The following DLX5 variants were observed in gnomAD, a reference collection of about 807,000 sequenced individuals.
DLX5 encodes the protein distal-less homeobox 5, also known as homeobox protein DLX-5.
A neutral mutation model predicts 27.1 loss-of-function variants in DLX5; 8 were observed. The observed-to-expected ratio is 0.30, with a 90% confidence interval of 0.17 to 0.53. The LOEUF is 0.53. Ranked by LOEUF, DLX5 falls within the 20% of genes least tolerant of loss-of-function variation. DLX5 has a pLI of 0.95. For missense variants in DLX5, 339 were observed against 375.1 expected (o/e 0.90, Z 0.80); for synonymous variants, 178 against 161.9 (o/e 1.10, Z -0.75).
In DLX5 at chr7:97,021,000, G is replaced by A. The variant is rs1297022233; in HGVS notation, c.606C>T (p.Pro202=). The A allele has an allele frequency of 6.2e-6, 10 of 1,613,664 alleles. No homozygotes were observed. The highest frequency in any genetic ancestry group is 1.8e-4 in the Middle Eastern group (1 of 5,664). ...CGCTGGAGCTGGGACTGTGCTCCGGGGGCATCTCCCCGTTTTTCATGATCT... is the reference window on the plus strand; with the variant it reads ...CGCTGGAGCTGGGACTGTGCTCCGGAGGCATCTCCCCGTTTTTCATGATCT... ...IKKIMKNGEM[P]PEHSPSSSDP... The change falls in exon 3 of 3, where the codon CCC becomes CCT. Residue 202 remains proline, a synonymous_variant. Coordinates refer to ENST00000648378, the MANE Select transcript of DLX5 (RefSeq NM_005221.6).
chr7:97,023,340 GT>G (rs1554342724), intron 1 of DLX5, among the ~76,000 whole-genome samples: 4 of 19,930 alleles, frequency 2.0e-4, no homozygotes, highest in Non-Finnish European at 4.4e-4. Context: ...TCTCCAGGGT[GT>G]GTGTGTGTGT....
Position 97,022,375 on chromosome 7 carries a change from T to C in DLX5, c.356-6A>G. On this transcript the variant is annotated splice_polypyrimidine_tract_variant and splice_region_variant and intron_variant, in intron 1 of 2. Transcript: ENST00000648378. ...GGGCTCGGTCACTTCTTTCTCTAAATAATCAAAACAGACTCAGTTAAAGCT... is the reference window on the plus strand; with the variant it reads ...GGGCTCGGTCACTTCTTTCTCTAAACAATCAAAACAGACTCAGTTAAAGCT... 6.2e-7 allele frequency: 1 copy of C among 1,613,562 alleles called. No homozygotes were observed. Among genetic ancestry groups the C allele is most frequent in the Non-Finnish European group, 8.5e-7 (1 of 1,180,028 alleles).
intron 1 of DLX5, 115 bp from the exon 2 acceptor site, chr7:97,022,484 A>T (rs1376220964): frequency 8.5e-6 from 13 of 1,527,748 alleles, no homozygotes; most frequent in East Asian, 4.6e-5. Context: ...TTCTTTGCCC[A>T]TATCACCACC....
In DLX5 at chr7:97,020,898, G is replaced by T. The variant is rs143457052; in HGVS notation, c.708C>A (p.His236Gln). The change falls in exon 3 of 3, where the codon CAC becomes CAA. Residue 236 changes from histidine (H) to glutamine (Q), a missense_variant. By Grantham distance (24) the His-to-Gln change is conservative. Around this residue, in one of 3 missense-constraint regions of DLX5, gnomAD observed 136 missense variants for 130.3 expected, o/e 1.04. Transcript: ENST00000648378. The stretch of plus-strand genomic sequence containing the variant: ...TGGAGGTCGGAGGGTGGGCATGAGG[G>T]TGGTGGCTGAGCGAGCGGGACGAGC... ...PQGSSRSLSH[H>Q]PHAHPPTSNQ... 3 of 1,614,050 alleles carry T rather than the reference G, an allele frequency of 1.9e-6. No individual in the cohort carries two copies. The African/African-American group carries it at 4.0e-5, about 22-fold the overall frequency.
intron 1 of DLX5, 156 bp from the exon 2 acceptor site, chr7:97,022,525 G>T: frequency 1.0e-6 from 1 of 984,954 alleles, no homozygotes; most frequent in Non-Finnish European, 1.2e-6. Flanking sequence ...CGATAAATAT[G>T]CACCTACCCC....
chr7:97,020,582 T>A lies in DLX5; in HGVS notation c.*154A>T. 1.3e-6 allele frequency: 1 copy of A among 761,788 alleles called. No homozygotes were observed. Among genetic ancestry groups the A allele is most frequent in the Non-Finnish European group, 1.9e-6 (1 of 526,594 alleles). The allele number at this position is 761,788 out of a possible 1,614,324, so 47.2% of individuals were successfully genotyped here. A position where few individuals can be genotyped will look rare whatever the true frequency, so the allele number is the denominator to read the frequency against. ...GTCCTCTGTAAAAAAAGGGGGGGTCTTTTGAAATGCAATAACTTACATGCA... is the reference window on the plus strand; with the variant it reads ...GTCCTCTGTAAAAAAAGGGGGGGTCATTTGAAATGCAATAACTTACATGCA... On this transcript the variant is annotated 3_prime_UTR_variant, in exon 3 of 3. Coordinates refer to ENST00000648378, the MANE Select transcript of DLX5 (RefSeq NM_005221.6).
At position 97,024,337 on chromosome 7, in the gene DLX5, C is replaced by G. The variant is rs1288684596; in HGVS notation, c.287G>C (p.Ser96Thr). 1 of 1,614,200 alleles carries G rather than the reference C, an allele frequency of 6.2e-7. No individual in the cohort carries two copies. Among genetic ancestry groups the G allele is most frequent in the Non-Finnish European group, 8.5e-7 (1 of 1,180,046 alleles). Residue 96 changes from serine (S) to threonine (T), a missense_variant, in exon 1 of 3, where the codon AGC (serine) becomes ACC (threonine). Transcript: ENST00000648378. The surrounding 1 kb of genome is among the most constrained non-coding windows in gnomAD (Gnocchi z 4.6). ...SYPAKAYADY[S>T]YASSYHQYGG... ...GTACTGGTGGTAGGAGCTAGCGTAG[C>G]TATAGTCGGCATAAGCTTTGGCTGG... is the stretch of plus-strand genomic sequence containing the variant.
At chr7:97,022,632 C>T in intron 1 of DLX5, 1 of 983,492 alleles carries the variant, frequency 1.0e-6, no homozygotes. Flanking sequence ...TTCTCCTTGG[C>T]ATCTGGGATT....
Position 97,024,597 on chromosome 7 carries a change from G to C in DLX5, c.27C>G (p.Val9=), listed in dbSNP as rs757335910. 3.7e-6 allele frequency: 6 copies of C among 1,603,218 alleles called. No individual in the cohort carries two copies. Among genetic ancestry groups the C allele is most frequent in the Non-Finnish European group, 5.1e-6 (6 of 1,171,954 alleles). ...GGAAGTCGCCGGATCGGATGCTGGG[G>C]ACCCTTCTGTCAAACACTCCTGTCA... MTGVFDRR[V]PSIRSGDFQA... is the part of the protein sequence containing the mutation. Residue 9 remains valine, a synonymous_variant, in exon 1 of 3, where the codon GTC becomes GTG. Coordinates refer to ENST00000648378, the MANE Select transcript of DLX5 (RefSeq NM_005221.6). The surrounding 1 kb of genome is among the most constrained non-coding windows in gnomAD (Gnocchi z 4.6).
chr7:97,024,525 T>G lies in DLX5; in HGVS notation c.99A>C (p.Glu33Asp). Residue 33 changes from glutamate to aspartate, a missense_variant, in exon 1 of 3, where the codon GAA (glutamate) becomes GAC (aspartate). Around this residue, in one of 3 missense-constraint regions of DLX5, gnomAD observed 188 missense variants for 206.1 expected, o/e 0.91. Transcript: ENST00000648378. This position sits in a 1 kb window ranked among gnomAD's most constrained non-coding sequence, Gnocchi z 4.6. Reference protein sequence around the residue: ...TSAAMHHPSQESPTLPESSAT... With the variant: ...TSAAMHHPSQDSPTLPESSAT... ...CTGAAGACTCGGGCAAAGTTGGCGA[T>G]TCCTGAGACGGATGGTGCATAGCTG... is the stretch of plus-strand genomic sequence containing the variant. The G allele has an allele frequency of 1.9e-6, 3 of 1,614,240 alleles. No homozygotes were observed. The highest frequency in any genetic ancestry group is 2.5e-6 in the Non-Finnish European group (3 of 1,180,032).
intron 1 of DLX5, among the ~76,000 whole-genome samples, chr7:97,023,140 C>A (rs1790110943): frequency 6.6e-6 from 1 of 151,316 alleles, no homozygotes. Flanking sequence ...GAGTCACACA[C>A]TGAGAAGGAA....
At position 97,024,533 on chromosome 7, in the gene DLX5, A is replaced by T; in HGVS notation, c.91T>A (p.Ser31Thr). ...TCGGGCAAAGTTGGCGATTCCTGAG[A>T]CGGATGGTGCATAGCTGCGGACGTC... is the stretch of plus-strand genomic sequence containing the variant. ...FQTSAAMHHP[S>T]QESPTLPESS... Residue 31 changes from serine (S) to threonine (T), a missense_variant, in exon 1 of 3, where the codon TCT becomes ACT. Transcript: ENST00000648378. The surrounding 1 kb of genome is among the most constrained non-coding windows in gnomAD (Gnocchi z 4.6). 3 of 1,614,224 alleles carry T rather than the reference A, an allele frequency of 1.9e-6. No individual in the cohort carries two copies. The highest frequency in any genetic ancestry group is 2.5e-6 in the Non-Finnish European group (3 of 1,180,042).
chr7:97,020,580 T>C lies in DLX5; in HGVS notation c.*156A>G, dbSNP rs1584164058. The C allele has an allele frequency of 1.5e-6, 1 of 680,100 alleles. No homozygotes were observed. The highest frequency in any genetic ancestry group is 2.2e-6 in the Non-Finnish European group (1 of 460,820). 42.1% of individuals were successfully genotyped at this position (680,100 alleles called of 1,614,324 possible). On this transcript the variant is annotated 3_prime_UTR_variant, in exon 3 of 3. Transcript: ENST00000648378. ...AAGTCCTCTGTAAAAAAAGGGGGGG[T>C]CTTTTGAAATGCAATAACTTACATG...
At chr7:97,023,235 G>C (rs3823753) in intron 1 of DLX5, among the ~76,000 whole-genome samples, 2 of 151,426 alleles carry the variant, frequency 1.3e-5, no homozygotes, top group African/African-American at 4.8e-5. Flanking sequence ...GGGCGGGAGG[G>C]GGAGGGATTG....
chr7:97,024,556 G>T lies in DLX5; in HGVS notation c.68C>A (p.Thr23Lys), dbSNP rs1790143336. 1 of 1,613,294 alleles carries T rather than the reference G, an allele frequency of 6.2e-7. No individual in the cohort carries two copies. The highest frequency in any genetic ancestry group is 1.3e-5 in the African/African-American group (1 of 74,932). The change falls in exon 1 of 3, where the codon ACG (threonine) becomes AAG (lysine). Residue 23 changes from threonine (T) to lysine (K), a missense_variant. By Grantham distance (78) the Thr-to-Lys change is moderately conservative. Around this residue, in one of 3 missense-constraint regions of DLX5, gnomAD observed 188 missense variants for 206.1 expected, o/e 0.91. Transcript: ENST00000648378. The surrounding 1 kb of genome is among the most constrained non-coding windows in gnomAD (Gnocchi z 4.6). ...AGACGGATGGTGCATAGCTGCGGAC[G>T]TCTGGAACGGAGCTTGGAAGTCGCC... ...RSGDFQAPFQTSAAMHHPSQE... is the reference protein window; with the variant it reads ...RSGDFQAPFQKSAAMHHPSQE...
chr7:97,021,754 C>T (rs1370537004), intron 2 of DLX5, among the ~76,000 whole-genome samples: 1 of 152,204 alleles, frequency 6.6e-6, no homozygotes, highest in East Asian at 1.9e-4. Flanking sequence ...TCAGTTTCTC[C>T]GCTCCAGGCG....
Position 97,024,291 on chromosome 7 carries a change from G to C in DLX5, c.333C>G (p.Val111=), listed in dbSNP as rs201376176. The C allele has an allele frequency of 8.1e-6, 13 of 1,613,716 alleles. No homozygotes were observed. In the East Asian group the frequency reaches 2.9e-4, roughly 36 times the overall value. Residue 111 remains valine (V), a synonymous_variant, in exon 1 of 3, where the codon GTC becomes GTG. Coordinates refer to ENST00000648378, the MANE Select transcript of DLX5 (RefSeq NM_005221.6). The surrounding 1 kb of genome is among the most constrained non-coding windows in gnomAD (Gnocchi z 4.6). ...TACCTGGCTGGTTGGTGGCGCTTGG[G>C]ACGCGGTTGTAGGCGCCGCCGTACT... The part of the protein sequence containing the change: ...YHQYGGAYNR[V]PSATNQPEKE...
rs144772458 is a variant in DLX5, at chr7:97,024,441, A to T, written c.183T>A (p.Pro61=). The T allele has an allele frequency of 6.2e-7, 1 of 1,614,270 alleles. No individual in the cohort carries two copies. The highest frequency in any genetic ancestry group is 1.1e-5 in the South Asian group (1 of 91,088). The part of the protein sequence containing the change: ...TGGAPHGYCS[P]TSASYGKALN... ...GAGCTTTGCCATAGGAAGCCGAGGT[A>T]GGAGAGCAGTAGCCGTGCGGGGCTC... Residue 61 remains proline, a synonymous_variant, in exon 1 of 3, where the codon CCT becomes CCA. Coordinates refer to ENST00000648378, the MANE Select transcript of DLX5 (RefSeq NM_005221.6). The surrounding 1 kb of genome is among the most constrained non-coding windows in gnomAD (Gnocchi z 4.6).
At position 97,020,997 on chromosome 7, in the gene DLX5, C is replaced by T. The variant is rs756666191; in HGVS notation, c.609G>A (p.Pro203=). The change falls in exon 3 of 3, where the codon CCG becomes CCA. Residue 203 remains proline, a synonymous_variant. Coordinates refer to ENST00000648378, the MANE Select transcript of DLX5 (RefSeq NM_005221.6). ...GGTCGCTGGAGCTGGGACTGTGCTC[C>T]GGGGGCATCTCCCCGTTTTTCATGA... ...KKIMKNGEMP[P]EHSPSSSDPM... is the part of the protein sequence containing the mutation. 2.5e-6 allele frequency: 4 copies of T among 1,613,684 alleles called. No homozygotes were observed. The South Asian group carries it at 3.3e-5, about 13-fold the overall frequency.
Sources: gnomAD v4.1 joint callset for allele counts (sites outside exome capture counted in the v4.1 genomes callset) on GRCh38, gnomAD v4.1.1 for gene constraint, gnomAD v4.1.1 regional missense constraint, Gnocchi (gnomAD v3.1) non-coding constraint, MANE v1.5 for transcripts, NCBI Gene and HGNC (gene_info 2026-07-23, HGNC 2026-07-21) for gene names.